The following GPC6 variants were observed in gnomAD, a reference collection of about 807,000 sequenced individuals.
GPC6 encodes the protein glypican 6, also known as glypican-6.
In GPC6, 14 loss-of-function variants were observed where a neutral mutation model predicts 55.2. The observed-to-expected ratio is 0.25, with a 90% CI of 0.17 to 0.40. The LOEUF is 0.40. Among genes scored for constraint, GPC6 ranks in the 10% least tolerant of loss-of-function variants. The probability of loss-of-function intolerance (pLI) is 1.00; values close to 1 mark genes in which losing one functional copy is unlikely to be tolerated. For synonymous variants in GPC6, 278 were observed against 259.6 expected (o/e 1.07, Z -0.68); for missense variants, 641 against 708.5 (o/e 0.90, Z 1.08).
At chr13:93,286,148 C>T (rs1004911664) in intron 1 of GPC6, among the ~76,000 whole-genome samples, 1 of 152,088 alleles carries the variant, frequency 6.6e-6, no homozygotes, top group African/African-American at 2.4e-5. Context: ...AGGAAACTTA[C>T]AACCCTGGCA....
intron 3 of GPC6, among the ~76,000 whole-genome samples, chr13:93,831,569 T>C (rs1887497695): frequency 6.7e-6 from 1 of 148,416 alleles, no homozygotes; most frequent in Non-Finnish European, 1.5e-5. Flanking sequence ...TTTTTTTTTT[T>C]GACACTTTGG....
intron 2 of GPC6, among the ~76,000 whole-genome samples, chr13:93,728,681 C>T (rs1883727272): frequency 6.6e-6 from 1 of 152,064 alleles, no homozygotes. Context: ...ATTCTCCAGC[C>T]TCAGCCTCCC....
At chr13:93,969,663 A>G (rs1594629797) in intron 3 of GPC6, among the ~76,000 whole-genome samples, 2 of 151,900 alleles carry the variant, frequency 1.3e-5, no homozygotes, top group Admixed American at 1.3e-4. Context: ...TACCATTTTT[A>G]GTGTATACTT....
chr13:94,108,846 A>C lies in GPC6; in HGVS notation c.877+80952A>C, dbSNP rs551780488. 1.7e-4 allele frequency among the ~76,000 whole-genome samples: 21 copies of C among 126,012 alleles called. 1 individual carries two copies. The South Asian group carries it at 4.6e-3, about 27-fold the overall frequency. 82.7% of individuals were successfully genotyped at this position (126,012 alleles called of 152,430 possible). A position where few individuals can be genotyped will look rare whatever the true frequency, so the allele number is the denominator to read the frequency against. The stretch of plus-strand genomic sequence containing the variant: ...AACAAGAGCGAGACTCCGTCTCAAA[A>C]AAAAAAACAAAAAAAAAAAGTTTTT... On this transcript the variant is annotated intron_variant, in intron 4 of 8. Coordinates refer to ENST00000377047, the MANE Select transcript of GPC6 (RefSeq NM_005708.5).
At chr13:93,216,816 T>G in the GPC6 span, among the ~76,000 whole-genome samples, 1 of 152,192 alleles carries the variant, frequency 6.6e-6, no homozygotes, top group Non-Finnish European at 1.5e-5. Flanking sequence ...CAAAATTTTC[T>G]CCTACTGAGT....
chr13:93,939,223 G>A (rs1878597896), intron 3 of GPC6, among the ~76,000 whole-genome samples: 1 of 151,486 alleles, frequency 6.6e-6, no homozygotes. Context: ...TGCCTGAATA[G>A]TTTAGATTGT....
At chr13:93,504,512 A>T (rs1880638055) in intron 1 of GPC6, among the ~76,000 whole-genome samples, 1 of 125,636 alleles carries the variant, frequency 8.0e-6, no homozygotes, top group African/African-American at 3.1e-5. Flanking sequence ...GCTTTCCCTC[A>T]CTGGATTGTA....
chr13:93,543,351 G>A (rs1042370693), intron 1 of GPC6, among the ~76,000 whole-genome samples: 7 of 152,102 alleles, frequency 4.6e-5, no homozygotes, highest in Non-Finnish European at 8.8e-5. Context: ...TATTGAACCA[G>A]CCTTGCATCC....
rs140084612 is a variant in GPC6, at chr13:93,230,568, T to G, written c.160+2952T>G. On this transcript the variant is annotated intron_variant, in intron 1 of 8. Coordinates refer to ENST00000377047, the MANE Select transcript of GPC6 (RefSeq NM_005708.5). ...AATCCATTCTAATATTTAGCAATTC[T>G]TGTGGTATAGAAATGTTTCCAGATA... Among the ~76,000 whole-genome samples the G allele has an allele frequency of 1.5e-3, 235 of 152,296 alleles. 1 individual carries two copies. Among genetic ancestry groups the G allele is most frequent in the Non-Finnish European group, 3.1e-3 (211 of 67,964 alleles).
chr13:94,150,514 T>C (rs1462037206), intron 4 of GPC6, among the ~76,000 whole-genome samples: 1 of 152,068 alleles, frequency 6.6e-6, no homozygotes, highest in Non-Finnish European at 1.5e-5. Flanking sequence ...CCAGAAGTAC[T>C]GGGATATTCT....
At chr13:93,614,764 A>G (rs1481241571) in intron 2 of GPC6, among the ~76,000 whole-genome samples, 1 of 152,226 alleles carries the variant, frequency 6.6e-6, no homozygotes, top group East Asian at 1.9e-4. Flanking sequence ...TGAAAAGTAA[A>G]GAAAAATACA....
chr13:93,604,277 A>T (rs1878144947), intron 2 of GPC6, among the ~76,000 whole-genome samples: 1 of 152,242 alleles, frequency 6.6e-6, no homozygotes, highest in South Asian at 2.1e-4. Context: ...ATTGTTATAT[A>T]CGTGACTGAG....
intron 6 of GPC6, among the ~76,000 whole-genome samples, chr13:94,319,715 A>G (rs988860716): frequency 2.6e-5 from 4 of 152,122 alleles, no homozygotes; most frequent in Non-Finnish European, 2.9e-5. Context: ...ATATTTCACT[A>G]TCTCCTGGTT....
chr13:93,527,200 A>G (rs1881684761), intron 1 of GPC6, among the ~76,000 whole-genome samples: 2 of 152,078 alleles, frequency 1.3e-5, no homozygotes, highest in Admixed American at 6.6e-5. Context: ...TCCATCACCT[A>G]CCATAGTTAC....
chr13:94,176,378 G>A (rs554665926), intron 4 of GPC6, among the ~76,000 whole-genome samples: 7 of 152,176 alleles, frequency 4.6e-5, no homozygotes, highest in Middle Eastern at 3.4e-3. Context: ...TCAGGTTCTC[G>A]AAGGAACAGT....
intron 1 of GPC6, among the ~76,000 whole-genome samples, chr13:93,329,973 A>G (rs1468214256): frequency 7.9e-5 from 12 of 152,356 alleles, no homozygotes; most frequent in Admixed American, 1.3e-4. Flanking sequence ...AAAGTTATTC[A>G]CTTCACAGGT....
chr13:93,484,328 G>C (rs1879625086), intron 1 of GPC6, among the ~76,000 whole-genome samples: 1 of 152,072 alleles, frequency 6.6e-6, no homozygotes, highest in African/African-American at 2.4e-5. Flanking sequence ...TTGTGAAACA[G>C]ATACCCTAGT....
chr13:93,451,101 A>G (rs1447366800), intron 1 of GPC6, among the ~76,000 whole-genome samples: 1 of 152,234 alleles, frequency 6.6e-6, no homozygotes, highest in Non-Finnish European at 1.5e-5. Flanking sequence ...AAAAGAATCA[A>G]AGATAATGTC....
At chr13:93,552,642 C>T (rs1875222170) in intron 2 of GPC6, among the ~76,000 whole-genome samples, 3 of 152,162 alleles carry the variant, frequency 2.0e-5, no homozygotes, top group Admixed American at 2.0e-4. Flanking sequence ...ACTTGAAATA[C>T]ATTATGCTCC....
Sources: gnomAD v4.1 joint callset for allele counts (sites outside exome capture counted in the v4.1 genomes callset) on GRCh38, gnomAD v4.1.1 for gene constraint, MANE v1.5 for transcripts, NCBI Gene and HGNC (gene_info 2026-07-23, HGNC 2026-07-21) for gene names.